LTBP1: variants seen among roughly 807,000 people sequenced by gnomAD.
LTBP1 encodes latent transforming growth factor beta binding protein 1, also known as latent-transforming growth factor beta-binding protein 1.
Under a neutral mutation model 207.6 loss-of-function variants are expected in LTBP1, and 129 were observed. The observed-to-expected ratio is 0.62, with a 90% CI of 0.54 to 0.72. The LOEUF is 0.72. Ranked by LOEUF, LTBP1 falls within the 30% of genes least tolerant of loss-of-function variation. The probability of loss-of-function intolerance (pLI) is 0.00; values close to 1 mark genes in which losing one functional copy is unlikely to be tolerated. For missense variants in LTBP1, 2,281 were observed against 2,217.2 expected (o/e 1.03, Z -0.58); for synonymous variants, 963 against 833.7 (o/e 1.16, Z -2.67).
chr2:33,251,558 A>C lies in LTBP1; in HGVS notation c.2000-1119A>C, dbSNP rs188553258. ...TGGGTGCCTGTAGTCCCACCTACTC[A>C]GGAGGCTGAGGCAGGAGAATGGCGT... On this transcript the variant is annotated intron_variant, in intron 10 of 33. Coordinates refer to ENST00000404816, the MANE Select transcript of LTBP1 (RefSeq NM_206943.4). Among the ~76,000 whole-genome samples the C allele has an allele frequency of 1.3e-4, 19 of 151,388 alleles. No individual in the cohort carries two copies. In the East Asian group the frequency reaches 3.7e-3, roughly 30 times the overall value.
At chr2:33,218,437 C>T (rs1375918613) in intron 8 of LTBP1, among the ~76,000 whole-genome samples, 1 of 152,150 alleles carries the variant, frequency 6.6e-6, no homozygotes, top group Non-Finnish European at 1.5e-5. Context: ...ACTATTGTCG[C>T]CCAGGCTGGA....
chr2:32,978,370 GT>G (rs938438953), intron 2 of LTBP1, among the ~76,000 whole-genome samples: 8 of 151,914 alleles, frequency 5.3e-5, no homozygotes, highest in Non-Finnish European at 1.0e-4. Context: ...ACTCAGGTAT[GT>G]TTTTTTCTAT....
At chr2:33,318,731 A>G (rs1462572520) in intron 24 of LTBP1, among the ~76,000 whole-genome samples, 1 of 152,142 alleles carries the variant, frequency 6.6e-6, no homozygotes, top group Non-Finnish European at 1.5e-5. Context: ...CAGAGCTTTT[A>G]TCTTGTGTAT....
At chr2:33,016,383 T>C (rs1688378192) in intron 2 of LTBP1, among the ~76,000 whole-genome samples, 1 of 152,202 alleles carries the variant, frequency 6.6e-6, no homozygotes. Context: ...AGAAGACTAG[T>C]CTGTCCGCAA....
intron 24 of LTBP1, among the ~76,000 whole-genome samples, chr2:33,327,583 T>G (rs960470280): frequency 5.3e-5 from 8 of 152,190 alleles, no homozygotes; most frequent in Non-Finnish European, 1.0e-4. Context: ...AAAAAGTAGC[T>G]TGACTTCATT....
chr2:33,028,502 T>C (rs1428354019), intron 3 of LTBP1, among the ~76,000 whole-genome samples: 2 of 152,148 alleles, frequency 1.3e-5, no homozygotes, highest in Non-Finnish European at 2.9e-5. Context: ...ACCCTGTCTC[T>C]ACTAAAAATA....
At chr2:32,997,245 T>C (rs1040917891) in intron 2 of LTBP1, among the ~76,000 whole-genome samples, 1 of 152,070 alleles carries the variant, frequency 6.6e-6, no homozygotes, top group African/African-American at 2.4e-5. Context: ...GTGTGTTGGC[T>C]CACTTCTGTA....
chr2:33,260,648 A>C (rs2092985818), intron 13 of LTBP1, among the ~76,000 whole-genome samples: 1 of 152,216 alleles, frequency 6.6e-6, no homozygotes. Flanking sequence ...AGGTTATAGT[A>C]TTTTGAGACC....
At chr2:33,206,798 G>A (rs1056350114) in intron 7 of LTBP1, among the ~76,000 whole-genome samples, 1 of 151,898 alleles carries the variant, frequency 6.6e-6, no homozygotes, top group Non-Finnish European at 1.5e-5. Context: ...CATTTTGGGG[G>A]TGATCAGGTT....
At chr2:33,219,963 A>G (rs2090992958) in intron 8 of LTBP1, among the ~76,000 whole-genome samples, 1 of 151,890 alleles carries the variant, frequency 6.6e-6, no homozygotes, top group African/African-American at 2.4e-5. Context: ...GTGGTTTGTG[A>G]GCTCTGTATT....
intron 15 of LTBP1, among the ~76,000 whole-genome samples, chr2:33,265,413 C>T (rs1176573692): frequency 6.6e-6 from 1 of 152,208 alleles, no homozygotes; most frequent in Non-Finnish European, 1.5e-5. Flanking sequence ...TTACCTATCA[C>T]AGACAATGTA....
chr2:32,972,119 T>G (rs1325110097), intron 2 of LTBP1, among the ~76,000 whole-genome samples: 1 of 133,032 alleles, frequency 7.5e-6, no homozygotes, highest in African/African-American at 2.6e-5. Flanking sequence ...AGTTTTTTGT[T>G]TTTTTTTTTC....
chr2:32,947,797 AC>A lies in LTBP1; in HGVS notation c.475del (p.Gln159ArgfsTer63). 6.8e-7 allele frequency: 1 copy of A among 1,469,494 alleles called. No homozygotes were observed. Among genetic ancestry groups the A allele is most frequent in the South Asian group, 1.4e-5 (1 of 70,818 alleles). The allele number at this position is 1,469,494 out of a possible 1,614,324, so 91.0% of individuals were successfully genotyped here. ...QSGGGSRLQV[H>X]QKQQLQGVNV... ...GGCGGAGGCTCTAGGCTGCAGGTTC[AC>A]CAGAAGCAGCAGCTGCAGGGGTAAG... On this transcript the variant is annotated frameshift_variant, in exon 1 of 34. Transcript: ENST00000404816. LOFTEE classifies it high-confidence loss of function.
intron 25 of LTBP1, among the ~76,000 whole-genome samples, chr2:33,345,138 G>A (rs2094684946): frequency 6.6e-6 from 1 of 152,186 alleles, no homozygotes; most frequent in Non-Finnish European, 1.5e-5. Context: ...AGGGATGAGT[G>A]AGCACCTGCC....
chr2:33,127,852 T>C (rs1288618022), intron 4 of LTBP1, among the ~76,000 whole-genome samples: 2 of 152,110 alleles, frequency 1.3e-5, no homozygotes, highest in Admixed American at 1.3e-4. Context: ...GAAAGGAAAC[T>C]GCATGAGTGA....
At chr2:33,194,431 G>A (rs2088303506) in intron 7 of LTBP1, among the ~76,000 whole-genome samples, 1 of 152,224 alleles carries the variant, frequency 6.6e-6, no homozygotes, top group South Asian at 2.1e-4. Context: ...GAAATTAAAA[G>A]TGCTACTCCA....
chr2:33,086,722 C>A (rs868402073), intron 3 of LTBP1, among the ~76,000 whole-genome samples: 3 of 152,012 alleles, frequency 2.0e-5, no homozygotes, highest in Non-Finnish European at 4.4e-5. Flanking sequence ...GTTATCTCTA[C>A]TGGCTTTGTT....
intron 3 of LTBP1, among the ~76,000 whole-genome samples, chr2:33,087,084 C>CTTTTTT (rs35334788): frequency 0.02 from 1,728 of 88,502 alleles, 128 homozygotes; most frequent in South Asian, 0.046. Context: ...CTCCTTTATG[C>CTTTTTT]TTTTTTTTTT....
chr2:33,174,845 T>A (rs528790128), intron 5 of LTBP1, among the ~76,000 whole-genome samples: 3 of 151,866 alleles, frequency 2.0e-5, no homozygotes, highest in Non-Finnish European at 4.4e-5. Flanking sequence ...CCCTCAGAAA[T>A]AACGCCGCAT....
Sources: gnomAD v4.1 joint callset for allele counts (sites outside exome capture counted in the v4.1 genomes callset) on GRCh38, gnomAD v4.1.1 for gene constraint, MANE v1.5 for transcripts, NCBI Gene and HGNC (gene_info 2026-07-23, HGNC 2026-07-21) for gene names.